The following BCAR3 variants were observed in gnomAD, a reference collection of about 807,000 sequenced individuals.
BCAR3 encodes the protein BCAR3 adaptor protein, NSP family member, also known as breast cancer anti-estrogen resistance protein 3.
BCAR3 carries 37 observed loss-of-function variants against 80.1 expected under a neutral mutation model. The observed-to-expected ratio is 0.46, with a 90% CI of 0.36 to 0.61. The LOEUF (loss-of-function observed/expected upper bound fraction) is 0.61, where lower values mean the gene tolerates loss of function less well. BCAR3 is among the 20% of genes least tolerant of loss of function. BCAR3 has a pLI of 0.00. For synonymous variants in BCAR3, 389 were observed against 418.9 expected (o/e 0.93, Z 0.87); for missense variants, 978 against 1,068.2 (o/e 0.92, Z 1.18).
intron 2 of BCAR3, among the ~76,000 whole-genome samples, chr1:93,779,197 AT>A (rs140048646): frequency 0.016 from 2,483 of 152,320 alleles, 79 homozygotes; most frequent in East Asian, 0.097. Flanking sequence ...AGGCCACCTA[AT>A]GATTAACAAA....
chr1:93,724,199 C>T (rs1571075369), intron 2 of BCAR3, among the ~76,000 whole-genome samples: 2 of 152,202 alleles, frequency 1.3e-5, no homozygotes, highest in South Asian at 2.1e-4. Flanking sequence ...GGAACCGAGG[C>T]CCCCAGAGTT....
At chr1:93,692,716 G>T (rs1448157592) in intron 3 of BCAR3, among the ~76,000 whole-genome samples, 2 of 152,224 alleles carry the variant, frequency 1.3e-5, no homozygotes, top group East Asian at 3.8e-4. Flanking sequence ...TCATCTCCCA[G>T]TGTGAACCCT....
chr1:93,775,983 T>G (rs767602574), intron 2 of BCAR3, among the ~76,000 whole-genome samples: 2 of 152,218 alleles, frequency 1.3e-5, no homozygotes, highest in Non-Finnish European at 2.9e-5. Flanking sequence ...AAAAATTCCT[T>G]TCTTGCCTAA....
At chr1:93,717,978 A>G (rs1409987050) in intron 2 of BCAR3, among the ~76,000 whole-genome samples, 1 of 152,122 alleles carries the variant, frequency 6.6e-6, no homozygotes, top group Admixed American at 6.5e-5. Context: ...TTTGCAGATT[A>G]CTCTAAAAAG....
chr1:93,720,990 G>A (rs986032476), intron 2 of BCAR3, among the ~76,000 whole-genome samples: 1 of 152,214 alleles, frequency 6.6e-6, no homozygotes, highest in Admixed American at 6.5e-5. Flanking sequence ...GGGCTAGCCT[G>A]AGCCAGCTCC....
intron 2 of BCAR3, among the ~76,000 whole-genome samples, chr1:93,831,930 G>A (rs1654582753): frequency 1.3e-5 from 2 of 152,144 alleles, no homozygotes; most frequent in South Asian, 4.1e-4. Context: ...TCCCAAATAA[G>A]TTAGCATTGA....
chr1:93,565,866 G>C (rs1672926978), intron 11 of BCAR3, among the ~76,000 whole-genome samples: 1 of 152,174 alleles, frequency 6.6e-6, no homozygotes, highest in Non-Finnish European at 1.5e-5. Flanking sequence ...TCTTAACTTT[G>C]TGAATCAAAC....
At position 93,588,986 on chromosome 1, in the gene BCAR3, T is replaced by A. The variant is rs368488209; in HGVS notation, c.920A>T (p.Asn307Ile). The change falls in exon 5 of 12, where the codon AAC (asparagine) becomes ATC (isoleucine). Residue 307 changes from asparagine to isoleucine, a missense_variant. Physicochemically the swap from Asn to Ile is moderately radical, Grantham distance 149 (BLOSUM62 -3). Transcript: ENST00000260502. The stretch of plus-strand genomic sequence containing the variant: ...GGAGGCCCTGACCTACCTGAGGAGG[T>A]TTCCCCTGGGCAAATTCTGCTCTCG... ...QAREQNLPRG[N>I]LLRNKEKSGS... 2 of 1,569,348 alleles carry A rather than the reference T, an allele frequency of 1.3e-6. No homozygotes were observed. Among genetic ancestry groups the A allele is most frequent in the African/African-American group, 2.7e-5 (2 of 74,222 alleles).
intron 11 of BCAR3, among the ~76,000 whole-genome samples, chr1:93,566,361 C>T (rs1672952057): frequency 6.6e-6 from 1 of 152,162 alleles, no homozygotes; most frequent in African/African-American, 2.4e-5. Flanking sequence ...CCTAACATCT[C>T]TGACCAAATC....
At chr1:93,678,053 C>T (rs777109336) in intron 1 of BCAR3, among the ~76,000 whole-genome samples, 1 of 152,122 alleles carries the variant, frequency 6.6e-6, no homozygotes, top group Non-Finnish European at 1.5e-5. Flanking sequence ...ACTATAAAAA[C>T]GTAAACCATT....
chr1:93,749,461 A>T (rs1234528796), intron 2 of BCAR3, among the ~76,000 whole-genome samples: 1 of 151,648 alleles, frequency 6.6e-6, no homozygotes, highest in African/African-American at 2.4e-5. Flanking sequence ...TGGTGACAGG[A>T]GCCTGTAGTC....
chr1:93,563,724 G>A lies in BCAR3; in HGVS notation c.2300-1305C>T, dbSNP rs528414614. ...TTTTATTTTTTTGAGAAGGAGTCTCGCTGTGTTGCCCAGGCTGGAGTGCAG... is the reference window on the plus strand; with the variant it reads ...TTTTATTTTTTTGAGAAGGAGTCTCACTGTGTTGCCCAGGCTGGAGTGCAG... On this transcript the variant is annotated intron_variant, in intron 11 of 11. Transcript: ENST00000260502. 6.3e-4 allele frequency among the ~76,000 whole-genome samples: 96 copies of A among 152,100 alleles called. 1 individual carries two copies. Among genetic ancestry groups the A allele is most frequent in the Admixed American group, 5.4e-3 (82 of 15,276 alleles).
chr1:93,675,050 A>G, intron 1 of BCAR3, 109 bp from the exon 2 acceptor site: 1 of 926,484 alleles, frequency 1.1e-6, no homozygotes, highest in Non-Finnish European at 1.6e-6. Flanking sequence ...AAATATTCAC[A>G]GACCATTAAC....
intron 7 of BCAR3, among the ~76,000 whole-genome samples, chr1:93,579,008 T>C (rs1326036445): frequency 6.6e-6 from 1 of 152,202 alleles, no homozygotes; most frequent in Non-Finnish European, 1.5e-5. Context: ...AGTGCTTCAC[T>C]ACTGGTCCTC....
intron 2 of BCAR3, among the ~76,000 whole-genome samples, chr1:93,842,635 C>A (rs1654999805): frequency 1.3e-5 from 2 of 152,308 alleles, no homozygotes; most frequent in South Asian, 4.1e-4. Context: ...TGCACATCCC[C>A]TCCTATAGTA....
intron 2 of BCAR3, among the ~76,000 whole-genome samples, chr1:93,812,736 TG>T (rs1054753153): frequency 6.6e-6 from 1 of 152,202 alleles, no homozygotes; most frequent in African/African-American, 2.4e-5. Flanking sequence ...CCCTCCAGGG[TG>T]GGCTGGACAC....
At chr1:93,754,207 A>G (rs1651670679) in intron 2 of BCAR3, 1 of 152,226 alleles carries the variant, frequency 6.6e-6, no homozygotes, top group Admixed American at 6.5e-5. Flanking sequence ...TCTGCCCTGT[A>G]CTTGCAAACA....
chr1:93,677,610 G>T (rs1390658616), intron 1 of BCAR3, among the ~76,000 whole-genome samples: 1 of 152,228 alleles, frequency 6.6e-6, no homozygotes, highest in Admixed American at 6.5e-5. Context: ...TAAAGGGAGA[G>T]AAAGGAGAGA....
intron 3 of BCAR3, among the ~76,000 whole-genome samples, chr1:93,601,397 A>C (rs953712977): frequency 6.6e-6 from 1 of 152,234 alleles, no homozygotes; most frequent in African/African-American, 2.4e-5. Context: ...GTGCAAAGTC[A>C]ACAGTTCCTG....
Sources: gnomAD v4.1 joint callset for allele counts (sites outside exome capture counted in the v4.1 genomes callset) on GRCh38, gnomAD v4.1.1 for gene constraint, MANE v1.5 for transcripts, NCBI Gene and HGNC (gene_info 2026-07-23, HGNC 2026-07-21) for gene names.